The following RNF213 variants were observed in gnomAD, a reference collection of about 807,000 sequenced individuals.
RNF213 encodes E3 ubiquitin-protein ligase RNF213.
Under a neutral mutation model 514.4 loss-of-function variants are expected in RNF213, and 341 were observed. The observed-to-expected ratio is 0.66, with a 90% CI of 0.61 to 0.73. The LOEUF (loss-of-function observed/expected upper bound fraction) is 0.73. Among genes scored for constraint, RNF213 ranks in the 30% least tolerant of loss-of-function variants. The pLI, the probability that RNF213 is intolerant of heterozygous loss-of-function variation, is 0.00. For missense variants in RNF213, 5,767 were observed against 6,615.6 expected, an observed-to-expected ratio of 0.87 and a Z score of 4.45; for synonymous variants, 2,655 against 2,658.2, an observed-to-expected ratio of 1.00 and a Z score of 0.04.
chr17:80,379,599 A>G (rs1270173956), intron 54 of RNF213, 21 bp from the exon 55 acceptor site: 1 of 1,609,276 alleles, frequency 6.2e-7, no homozygotes, highest in South Asian at 1.1e-5. Flanking sequence ...AAGTGGTTCT[A>G]GTGCCCTGTC....
Position 80,289,682 on chromosome 17 carries a change from C to G in RNF213, c.957C>G (p.Asp319Glu), listed in dbSNP as rs368929895. The change falls in exon 6 of 68, where the codon GAC becomes GAG. Residue 319 changes from aspartate to glutamate, a missense_variant. Coordinates refer to ENST00000582970, the MANE Select transcript of RNF213 (RefSeq NM_001256071.3). ...HCQEAETKTK[D>E]EMAAAEEKVG... is the part of the protein sequence containing the mutation. Reference sequence around the variant, plus strand: ...AGGAAGCTGAGACCAAGACCAAGGACGAGATGGCTGCTGCTGAAGAAAAAG... The same window carrying G: ...AGGAAGCTGAGACCAAGACCAAGGAGGAGATGGCTGCTGCTGAAGAAAAAG... 7 of 1,613,490 alleles carry G rather than the reference C, an allele frequency of 4.3e-6. No homozygotes were observed. In the Admixed American group the frequency reaches 1.2e-4, roughly 27 times the overall value.
In RNF213 at chr17:80,376,326, T is replaced by C. The variant is rs137918227; in HGVS notation, c.13211T>C (p.Ile4404Thr). The change falls in exon 52 of 68, where the codon ATT becomes ACT. Residue 4404 changes from isoleucine to threonine, a missense_variant. By Grantham distance (89) the Ile-to-Thr change is moderately conservative. Around this residue, in one of 13 missense-constraint regions of RNF213, gnomAD observed 1,245 missense variants for 1,339.0 expected, o/e 0.93. Coordinates refer to ENST00000582970, the MANE Select transcript of RNF213 (RefSeq NM_001256071.3). Reference sequence around the variant, plus strand: ...CAATGTGAAGCTGTGAGCAAATTCATTGGCGAATGCAAGATCCTTTCACCT... The same window carrying C: ...CAATGTGAAGCTGTGAGCAAATTCACTGGCGAATGCAAGATCCTTTCACCT... ...PEQCEAVSKFIGECKILSPPD... is the reference protein window; with the variant it reads ...PEQCEAVSKFTGECKILSPPD... 23 of 1,614,120 alleles carry C rather than the reference T, an allele frequency of 1.4e-5. No individual in the cohort carries two copies. The African/African-American group carries it at 1.7e-4, about 12-fold the overall frequency.
chr17:80,384,940 C>A, intron 59 of RNF213, 99 bp from the exon 60 acceptor site: 1 of 1,280,574 alleles, frequency 7.8e-7, no homozygotes, highest in Non-Finnish European at 1.1e-6. Context: ...CCAGATTAAG[C>A]TACAAATACA....
rs188037076 is a variant in RNF213 at position 80,391,354 on chromosome 17, G to A, written c.15470+1158G>A. Among the ~76,000 whole-genome samples, 528 of 152,154 alleles carry A rather than the reference G, an allele frequency of 3.5e-3. 1 individual carries two copies. Among genetic ancestry groups the A allele is most frequent in the Admixed American group, 5.6e-3 (85 of 15,282 alleles). On this transcript the variant is annotated intron_variant, in intron 67 of 67. Transcript: ENST00000582970. ...GGCGCAATCTTGGCTTAGTGCAACCGCTGCCTTCTGGGTTCAATCGATTCT... is the reference window on the plus strand; with the variant it reads ...GGCGCAATCTTGGCTTAGTGCAACCACTGCCTTCTGGGTTCAATCGATTCT...
At position 80,338,012 on chromosome 17, in the gene RNF213, T is replaced by C. The variant is rs749159370; in HGVS notation, c.4833+15T>C. The C allele has an allele frequency of 7.2e-6, 11 of 1,537,246 alleles. No homozygotes were observed. The highest frequency in any genetic ancestry group is 8.7e-6 in the Non-Finnish European group (10 of 1,146,900). On this transcript the variant is annotated intron_variant, in intron 25 of 67. Coordinates refer to ENST00000582970, the MANE Select transcript of RNF213 (RefSeq NM_001256071.3). ...GGTTTTCAGAGGTGAGGGCGCATCT[T>C]TGCAGTGGCGCTAAGCTGGTGGTGT...
At chr17:80,271,355 T>C (rs1009516273) in intron 2 of RNF213, among the ~76,000 whole-genome samples, 2 of 152,162 alleles carry the variant, frequency 1.3e-5, no homozygotes, top group Non-Finnish European at 1.5e-5. Context: ...CAACACTGAG[T>C]ACTCAAAGGG....
rs764527769 is a variant in RNF213, at chr17:80,381,538, C to A, written c.13798-9C>A. The A allele has an allele frequency of 1.2e-6, 2 of 1,613,972 alleles. No homozygotes were observed. The highest frequency in any genetic ancestry group is 1.1e-5 in the South Asian group (1 of 91,050). ...CCCCGCTGAACACTCTGTTCCGTTG[C>A]CCCCACAGGCTCTGATAAACATCAT... On this transcript the variant is annotated splice_polypyrimidine_tract_variant and intron_variant, in intron 56 of 67. Coordinates refer to ENST00000582970, the MANE Select transcript of RNF213 (RefSeq NM_001256071.3).
At position 80,332,670 on chromosome 17, in the gene RNF213, C is replaced by T. The variant is rs377358867; in HGVS notation, c.4143+39C>T. The T allele has an allele frequency of 7.4e-5, 107 of 1,453,268 alleles. No homozygotes were observed. The African/African-American group carries it at 8.5e-4, about 12-fold the overall frequency. 90.0% of individuals were successfully genotyped at this position (1,453,268 alleles called of 1,614,324 possible). On this transcript the variant is annotated intron_variant, in intron 21 of 67. Coordinates refer to ENST00000582970, the MANE Select transcript of RNF213 (RefSeq NM_001256071.3). ...TGGGGACTGTGGGGGTTTGGAGGGG[C>T]GTCCTGCCTCAGCCTCTTCAGGAGC...
intron 26 of RNF213, chr17:80,341,841 C>T (rs2078163022): frequency 3.9e-5 from 6 of 152,398 alleles, no homozygotes; most frequent in Admixed American, 3.3e-4. Flanking sequence ...GAGTCTCACT[C>T]TGTTGCCCAG....
At chr17:80,283,857 C>A (rs2044382180) in intron 3 of RNF213, among the ~76,000 whole-genome samples, 1 of 152,160 alleles carries the variant, frequency 6.6e-6, no homozygotes, top group African/African-American at 2.4e-5. Context: ...GCATCCATGA[C>A]CTTGGCTTAT....
intron 60 of RNF213, 21 bp downstream of exon 60, chr17:80,385,192 G>A: frequency 6.2e-7 from 1 of 1,613,894 alleles, no homozygotes; most frequent in Non-Finnish European, 8.5e-7. Context: ...GCTCTGACAG[G>A]ACCAGGACTG....
Position 80,393,498 on chromosome 17 carries a change from G to T in RNF213, c.15624G>T (p.Ter5208TyrextTer40). ...AVLKWNREMR[*>Y] ...TGAAATGGAATCGAGAAATGAGATA[G>T]AATTATTTCCTCAGCTATCTTTGGA... Residue 5208 changes from the stop codon to tyrosine (Y), a stop_lost, in exon 68 of 68, where the codon TAG becomes TAT. Coordinates refer to ENST00000582970, the MANE Select transcript of RNF213 (RefSeq NM_001256071.3). 1 of 1,614,064 alleles carries T rather than the reference G, an allele frequency of 6.2e-7. No individual in the cohort carries two copies. The highest frequency in any genetic ancestry group is 8.5e-7 in the Non-Finnish European group (1 of 1,179,962).
In RNF213 at chr17:80,372,640, C is replaced by A. The variant is rs370699905; in HGVS notation, c.12657C>A (p.Asn4219Lys). Residue 4219 changes from asparagine to lysine, a missense_variant, in exon 48 of 68, where the codon AAC (asparagine) becomes AAA (lysine). This residue lies in a region of RNF213 where 1,245 missense variants were observed against 1,339.0 expected (regional missense o/e 0.93). Coordinates refer to ENST00000582970, the MANE Select transcript of RNF213 (RefSeq NM_001256071.3). ...CAAGCCGGGGCCGAGAGCCTGCCAA[C>A]GAGGCCTCGGTTGAATACCTGCAAG... ...SPASRGREPA[N>K]EASVEYLQEV... 6 of 1,613,950 alleles carry A rather than the reference C, an allele frequency of 3.7e-6. No homozygotes were observed. The African/African-American group carries it at 8.0e-5, about 22-fold the overall frequency.
Position 80,380,898 on chromosome 17 carries a change from T to C in RNF213, c.13708T>C (p.Cys4570Arg), listed in dbSNP as rs2144593451. 1 of 1,614,184 alleles carries C rather than the reference T, an allele frequency of 6.2e-7. No individual in the cohort carries two copies. Among genetic ancestry groups the C allele is most frequent in the East Asian group, 2.2e-5 (1 of 44,868 alleles). ...CCCGCAGCGGAGAGACGTGGTGACA[T>C]GTGACCGAGGGCTGCCCCCAGTGGT... is the stretch of plus-strand genomic sequence containing the variant. ...GNPQRRDVVT[C>R]DRGLPPVVFL... Residue 4570 changes from cysteine (C) to arginine (R), a missense_variant, in exon 56 of 68, where the codon TGT becomes CGT. Physicochemically the swap from Cys to Arg is radical, Grantham distance 180. Coordinates refer to ENST00000582970, the MANE Select transcript of RNF213 (RefSeq NM_001256071.3).
At chr17:80,326,089 G>C (rs1005880017) in intron 18 of RNF213, among the ~76,000 whole-genome samples, 3 of 152,096 alleles carry the variant, frequency 2.0e-5, no homozygotes, top group Non-Finnish European at 4.4e-5. Context: ...CTCCCAAGTA[G>C]CTGGGATTAC....
intron 36 of RNF213, chr17:80,354,860 G>A (rs182041523): frequency 3.7e-4 from 171 of 466,884 alleles, no homozygotes; most frequent in Non-Finnish European, 5.5e-4. Flanking sequence ...AACATTTACC[G>A]ACATTCATGT....
At chr17:80,366,668 TAAA>T (rs60777731) in intron 42 of RNF213, among the ~76,000 whole-genome samples, 5 of 150,366 alleles carry the variant, frequency 3.3e-5, no homozygotes, top group African/African-American at 9.8e-5. Context: ...TGGCTCAAAA[TAAA>T]AAAAAAAAAA....
chr17:80,355,655 C>T (rs12603539), intron 36 of RNF213, among the ~76,000 whole-genome samples: 123 of 10,696 alleles, frequency 0.011, 22 homozygotes, highest in South Asian at 0.024. Context: ...GCGGGGTGGA[C>T]GGGAATGGGG....
chr17:80,360,329 CTT>C (rs1362339673), intron 38 of RNF213, 123 bp downstream of exon 38: 62 of 1,159,026 alleles, frequency 5.3e-5, no homozygotes, highest in Middle Eastern at 5.6e-4. Context: ...AGTTTTCACA[CTT>C]TGTTTGTGCA....
Sources: gnomAD v4.1 joint callset for allele counts (sites outside exome capture counted in the v4.1 genomes callset) on GRCh38, gnomAD v4.1.1 for gene constraint, gnomAD v4.1.1 regional missense constraint, MANE v1.5 for transcripts, NCBI Gene and HGNC (gene_info 2026-07-23, HGNC 2026-07-21) for gene names.